The following PLPPR5 variants were observed in gnomAD, a reference collection of about 807,000 sequenced individuals.
PLPPR5 encodes phospholipid phosphatase related 5.
In PLPPR5, 16 loss-of-function variants were observed where a neutral mutation model predicts 33.9. The observed-to-expected ratio is 0.47, with a 90% CI of 0.32 to 0.72. The LOEUF is 0.72. Ranked by LOEUF, PLPPR5 falls within the 30% of genes least tolerant of loss-of-function variation. PLPPR5 has a pLI of 0.03. For synonymous variants in PLPPR5, 163 were observed against 150.3 expected (o/e 1.08, Z -0.62); for missense variants, 301 against 406.7 (o/e 0.74, Z 2.23).
chr1:98,898,516 T>C (rs1047649326), intron 5 of PLPPR5, among the ~76,000 whole-genome samples: 1 of 152,196 alleles, frequency 6.6e-6, no homozygotes, highest in African/African-American at 2.4e-5. Flanking sequence ...GAGTATGTGT[T>C]CGAAGGTTCT....
chr1:98,907,284 C>A lies in PLPPR5; in HGVS notation c.933+7502G>T, dbSNP rs140483397. On this transcript the variant is annotated intron_variant, in intron 5 of 5. Transcript: ENST00000263177. Reference sequence around the variant, plus strand: ...TGCCACGATCTTGGCTTGCTGCAACCTCTGCCCCCCAGGTTCAAGCGATTC... The same window carrying A: ...TGCCACGATCTTGGCTTGCTGCAACATCTGCCCCCCAGGTTCAAGCGATTC... Among the ~76,000 whole-genome samples the A allele has an allele frequency of 3.3e-3, 499 of 151,260 alleles. 1 individual carries two copies. Among genetic ancestry groups the A allele is most frequent in the Non-Finnish European group, 4.9e-3 (333 of 67,940 alleles).
intron 1 of PLPPR5, among the ~76,000 whole-genome samples, chr1:98,999,399 A>T (rs902400833): frequency 1.3e-4 from 20 of 152,222 alleles, no homozygotes; most frequent in African/African-American, 4.6e-4. Flanking sequence ...ACAGCTGGAA[A>T]GTAGCAGATC....
At chr1:98,987,845 T>C (rs1012688785) in intron 1 of PLPPR5, among the ~76,000 whole-genome samples, 8 of 152,080 alleles carry the variant, frequency 5.3e-5, no homozygotes, top group Admixed American at 1.3e-4. Flanking sequence ...GATTTGTTTT[T>C]CTAGGTTTAA....
chr1:98,953,700 C>A (rs1650891622), intron 2 of PLPPR5, among the ~76,000 whole-genome samples: 1 of 152,042 alleles, frequency 6.6e-6, no homozygotes, highest in Non-Finnish European at 1.5e-5. Flanking sequence ...CCTTTTTTCC[C>A]CCATTTTTTG....
chr1:98,914,985 A>G (rs1649291974), intron 4 of PLPPR5, 65 bp from the exon 5 acceptor site: 2 of 1,503,808 alleles, frequency 1.3e-6, no homozygotes, highest in African/African-American at 2.8e-5. Context: ...CAGCCTTTTG[A>G]GGAGCTTAAT....
At chr1:98,986,555 T>C (rs184481237) in intron 1 of PLPPR5, among the ~76,000 whole-genome samples, 4 of 152,006 alleles carry the variant, frequency 2.6e-5, no homozygotes, top group Admixed American at 2.0e-4. Flanking sequence ...GTTAAAGGAA[T>C]AAGGGAATAA....
At chr1:99,001,266 C>T (rs1652830432) in intron 1 of PLPPR5, among the ~76,000 whole-genome samples, 1 of 151,810 alleles carries the variant, frequency 6.6e-6, no homozygotes, top group South Asian at 2.1e-4. Flanking sequence ...TCCTCAGTAG[C>T]TGGGACTACA....
chr1:98,980,930 T>C (rs1044441120), intron 1 of PLPPR5, among the ~76,000 whole-genome samples: 1 of 152,088 alleles, frequency 6.6e-6, no homozygotes, highest in Non-Finnish European at 1.5e-5. Flanking sequence ...TAACATCAGG[T>C]AGCATGTTTG....
intron 3 of PLPPR5, among the ~76,000 whole-genome samples, chr1:98,944,274 C>T (rs756963276): frequency 6.6e-6 from 1 of 152,200 alleles, no homozygotes; most frequent in Non-Finnish European, 1.5e-5. Flanking sequence ...GAAGGACGCA[C>T]AATACTTTGT....
intron 5 of PLPPR5, 35 bp from the exon 6 acceptor site, chr1:98,893,139 C>A (rs1648344806): frequency 1.2e-6 from 2 of 1,601,174 alleles, no homozygotes; most frequent in Non-Finnish European, 1.7e-6. Context: ...AAGTGAGAGG[C>A]TTGGGAACAT....
chr1:98,915,435 C>T (rs1649309060), intron 4 of PLPPR5, among the ~76,000 whole-genome samples: 1 of 152,076 alleles, frequency 6.6e-6, no homozygotes, highest in African/African-American at 2.4e-5. Flanking sequence ...CCCATATACA[C>T]TTGGCAATCC....
intron 5 of PLPPR5, among the ~76,000 whole-genome samples, chr1:98,908,997 AG>A (rs1649014248): frequency 6.6e-6 from 1 of 152,110 alleles, no homozygotes. Context: ...AATTTTTAAA[AG>A]ATAATGATTT....
At chr1:98,974,974 G>C (rs1651793407) in intron 1 of PLPPR5, among the ~76,000 whole-genome samples, 2 of 152,070 alleles carry the variant, frequency 1.3e-5, no homozygotes, top group South Asian at 4.2e-4. Flanking sequence ...CTCTTACTTA[G>C]CAACAGGTTT....
intron 1 of PLPPR5, among the ~76,000 whole-genome samples, chr1:98,978,997 G>T (rs779148623): frequency 1.3e-5 from 2 of 151,910 alleles, no homozygotes; most frequent in African/African-American, 4.8e-5. Context: ...CTCAGAGAAG[G>T]CTTCTCTATA....
At chr1:98,933,818 G>A (rs1650075895) in intron 3 of PLPPR5, among the ~76,000 whole-genome samples, 1 of 152,176 alleles carries the variant, frequency 6.6e-6, no homozygotes. Flanking sequence ...GTGAGGAAAG[G>A]CACCACGGGG....
intron 1 of PLPPR5, among the ~76,000 whole-genome samples, chr1:98,998,805 C>T (rs1652724413): frequency 2.0e-5 from 3 of 152,060 alleles, no homozygotes; most frequent in South Asian, 2.1e-4. Flanking sequence ...GTCTGACATA[C>T]AGTAATCTCA....
At chr1:98,978,597 G>A (rs994772701) in intron 1 of PLPPR5, among the ~76,000 whole-genome samples, 5 of 151,910 alleles carry the variant, frequency 3.3e-5, no homozygotes, top group African/African-American at 1.2e-4. Flanking sequence ...TTTGAAGCCA[G>A]GCAAAACTGG....
intron 4 of PLPPR5, among the ~76,000 whole-genome samples, chr1:98,917,699 G>A (rs529028022): frequency 1.3e-5 from 2 of 152,258 alleles, no homozygotes; most frequent in South Asian, 4.1e-4. Context: ...TCCTAGCTGG[G>A]ATGGTTTATT....
At chr1:98,906,488 G>T (rs1015841854) in intron 5 of PLPPR5, among the ~76,000 whole-genome samples, 2 of 151,988 alleles carry the variant, frequency 1.3e-5, no homozygotes, top group African/African-American at 4.8e-5. Context: ...TCTGGAAAAT[G>T]ATCTTTTCCT....
Sources: gnomAD v4.1 joint callset for allele counts (sites outside exome capture counted in the v4.1 genomes callset) on GRCh38, gnomAD v4.1.1 for gene constraint, MANE v1.5 for transcripts, NCBI Gene and HGNC (gene_info 2026-07-23, HGNC 2026-07-21) for gene names.